Variants in EYS observed in about 807,000 individuals in gnomAD.
EYS encodes the protein protein eyes shut homolog.
A neutral mutation model predicts 282.1 loss-of-function variants in EYS; 250 were observed. The ratio of observed to expected loss-of-function variants is 0.89; its 90% confidence interval spans 0.80 to 0.98. EYS has a LOEUF of 0.98. Among genes scored for constraint, EYS ranks in the 50% least tolerant of loss-of-function variants. The probability of loss-of-function intolerance (pLI) is 0.00; values close to 1 mark genes in which losing one functional copy is unlikely to be tolerated. For missense variants in EYS, 4,016 were observed against 3,709.0 expected (o/e 1.08, Z -2.15); for synonymous variants, 1,355 against 1,282.9 (o/e 1.06, Z -1.20).
chr6:64,964,584 A>T (rs1264824076), intron 14 of EYS, among the ~76,000 whole-genome samples: 1 of 152,176 alleles, frequency 6.6e-6, no homozygotes, highest in Non-Finnish European at 1.5e-5. Context: ...TTCCTGTCAC[A>T]GTGGCGGCAC....
chr6:65,063,040 T>C (rs1007491234), intron 12 of EYS, among the ~76,000 whole-genome samples: 1 of 151,990 alleles, frequency 6.6e-6, no homozygotes, highest in Non-Finnish European at 1.5e-5. Context: ...CATTAAATAT[T>C]TTAAATGAAT....
chr6:64,968,739 C>T (rs1003755523), intron 14 of EYS, among the ~76,000 whole-genome samples: 5 of 152,074 alleles, frequency 3.3e-5, no homozygotes, highest in Non-Finnish European at 1.5e-5. Context: ...CATGGTGTGC[C>T]CCCAGATCTG....
At chr6:64,273,515 G>T (rs1018804976) in intron 30 of EYS, among the ~76,000 whole-genome samples, 5 of 151,642 alleles carry the variant, frequency 3.3e-5, no homozygotes, top group African/African-American at 1.2e-4. Context: ...ATAGGCTCAT[G>T]TATTTTTTTA....
intron 14 of EYS, among the ~76,000 whole-genome samples, chr6:64,953,603 TA>T (rs1174671508): frequency 6.6e-6 from 1 of 151,832 alleles, no homozygotes; most frequent in Non-Finnish European, 1.5e-5. Flanking sequence ...AGAACTATCT[TA>T]ATATGATTTC....
chr6:65,033,503 T>A (rs72877837), intron 13 of EYS, among the ~76,000 whole-genome samples: 10,461 of 152,198 alleles, frequency 0.069, 458 homozygotes, highest in East Asian at 0.14. Flanking sequence ...CTCCCCATGT[T>A]CTGGCCTCTC....
intron 14 of EYS, among the ~76,000 whole-genome samples, chr6:64,950,890 A>C (rs573435914): frequency 6.7e-6 from 1 of 148,296 alleles, no homozygotes; most frequent in Non-Finnish European, 1.5e-5. Flanking sequence ...AGCTAAAGAG[A>C]TAAGAAGCAA....
chr6:64,590,769 T>G lies in EYS; in HGVS notation c.5098A>C (p.Lys1700Gln). 6.4e-7 allele frequency: 1 copy of G among 1,550,902 alleles called. No individual in the cohort carries two copies. Among genetic ancestry groups the G allele is most frequent in the East Asian group, 2.4e-5 (1 of 40,884 alleles). Reference sequence around the variant, plus strand: ...CCATATTGTCTTATTTTCAATAGTTTTAAAATGTTTTCTGATACTGACAGT... The same window carrying G: ...CCATATTGTCTTATTTTCAATAGTTGTAAAATGTTTTCTGATACTGACAGT... ...DELSVSENIL[K>Q]LLKIRQYGIT... The change falls in exon 26 of 43, where the codon AAA (lysine) becomes CAA (glutamine). Residue 1700 changes from lysine (K) to glutamine (Q), a missense_variant. Coordinates refer to ENST00000503581, the MANE Select transcript of EYS (RefSeq NM_001142800.2).
intron 10 of EYS, among the ~76,000 whole-genome samples, chr6:65,339,969 A>G (rs564419847): frequency 2.6e-5 from 4 of 151,230 alleles, no homozygotes; most frequent in Non-Finnish European, 5.9e-5. Context: ...GCCTGTAGGC[A>G]ATAAGAAACC....
At chr6:64,236,891 C>G (rs1396012840) in intron 30 of EYS, among the ~76,000 whole-genome samples, 1 of 151,742 alleles carries the variant, frequency 6.6e-6, no homozygotes, top group Non-Finnish European at 1.5e-5. Context: ...TGCAGCACAC[C>G]AACATGGCAC....
chr6:65,683,921 T>C (rs1768917033), intron 1 of EYS, among the ~76,000 whole-genome samples: 1 of 152,082 alleles, frequency 6.6e-6, no homozygotes, highest in South Asian at 2.1e-4. Flanking sequence ...ACTGTGTTTT[T>C]ATTTCATTTT....
intron 12 of EYS, among the ~76,000 whole-genome samples, chr6:65,256,426 C>A (rs1192826074): frequency 1.4e-5 from 2 of 138,620 alleles, no homozygotes; most frequent in Admixed American, 7.3e-5. Context: ...CGCCTCCCCC[C>A]TCCCCACCAC....
rs1256323285 is a variant in EYS at position 64,439,268 on chromosome 6, T to C, written c.5729A>G (p.Glu1910Gly). The C allele has an allele frequency of 2.0e-6, 3 of 1,518,432 alleles. No homozygotes were observed. Among genetic ancestry groups the C allele is most frequent in the Non-Finnish European group, 1.8e-6 (2 of 1,133,006 alleles). 94.1% of individuals were successfully genotyped at this position (1,518,432 alleles called of 1,614,324 possible). ...TCCATAGGAGCTGAAGGTCTGAAAT[T>C]CTAGGGAGATGTTATTTTGTGGATT... ...ALNPQNNISL[E>G]FQTFSSYGLL... is the part of the protein sequence containing the mutation. Residue 1910 changes from glutamate to glycine, a missense_variant, in exon 27 of 43, where the codon GAA becomes GGA. Transcript: ENST00000503581.
chr6:64,880,715 A>G (rs1423232558), intron 19 of EYS, among the ~76,000 whole-genome samples: 1 of 150,130 alleles, frequency 6.7e-6, no homozygotes, highest in African/African-American at 2.4e-5. Flanking sequence ...AATACCATAT[A>G]AGGCAATTAA....
chr6:64,548,116 C>G (rs1324624572), intron 26 of EYS, among the ~76,000 whole-genome samples: 1 of 152,200 alleles, frequency 6.6e-6, no homozygotes, highest in Non-Finnish European at 1.5e-5. Flanking sequence ...TCCCACCATG[C>G]AGCAGAGGGC....
At chr6:64,521,342 C>G (rs1268831657) in intron 26 of EYS, among the ~76,000 whole-genome samples, 1 of 151,758 alleles carries the variant, frequency 6.6e-6, no homozygotes, top group African/African-American at 2.4e-5. Context: ...AGTCAGGTAT[C>G]TCAGCTGCAT....
chr6:64,560,498 T>C (rs868657041), intron 26 of EYS, among the ~76,000 whole-genome samples: 1 of 152,082 alleles, frequency 6.6e-6, no homozygotes, highest in African/African-American at 2.4e-5. Context: ...ATATACACTT[T>C]CAATTCGCTT....
At chr6:64,549,173 C>T (rs963445512) in intron 26 of EYS, among the ~76,000 whole-genome samples, 3 of 152,148 alleles carry the variant, frequency 2.0e-5, no homozygotes, top group African/African-American at 7.2e-5. Context: ...TGATAATATT[C>T]CCTCAAAGCA....
At chr6:64,641,026 A>T (rs1364019877) in intron 22 of EYS, among the ~76,000 whole-genome samples, 2 of 152,176 alleles carry the variant, frequency 1.3e-5, no homozygotes, top group East Asian at 3.9e-4. Flanking sequence ...GGGCAGGCAG[A>T]ATTTGTTTTT....
chr6:64,133,126 A>G (rs1467973083), intron 31 of EYS, among the ~76,000 whole-genome samples: 1 of 151,962 alleles, frequency 6.6e-6, no homozygotes, highest in Non-Finnish European at 1.5e-5. Context: ...GGAAGGAATA[A>G]TTAGTATTTT....
Sources: allele counts gnomAD v4.1 joint callset (sites outside exome capture counted in the v4.1 genomes callset), GRCh38; gene constraint gnomAD v4.1.1; transcripts MANE v1.5; gene names NCBI Gene and HGNC (gene_info 2026-07-23, HGNC 2026-07-21).